Variants in ABCA10 observed in about 807,000 individuals in gnomAD.
ABCA10 encodes the protein ATP-binding cassette sub-family A member 10.
ABCA10 carries 169 observed loss-of-function variants against 187.5 expected under a neutral mutation model. That is an observed-to-expected ratio of 0.90 (90% CI 0.80 to 1.02). ABCA10 has a LOEUF of 1.02. Ranked by LOEUF, ABCA10 falls within the 50% of genes least tolerant of loss-of-function variation. The pLI, the probability that ABCA10 is intolerant of heterozygous loss-of-function variation, is 0.00. For missense variants in ABCA10, 1,727 were observed against 1,812.4 expected (o/e 0.95, Z 0.86); for synonymous variants, 574 against 601.8 (o/e 0.95, Z 0.68).
intron 1 of ABCA10, among the ~76,000 whole-genome samples, chr17:69,239,821 C>T (rs1278207939): frequency 1.3e-5 from 2 of 152,090 alleles, no homozygotes; most frequent in African/African-American, 4.8e-5. Context: ...GTTGGCGTGC[C>T]CTTCAATAGT....
chr17:69,240,710 C>A (rs1451238986), intron 1 of ABCA10, among the ~76,000 whole-genome samples: 2 of 152,168 alleles, frequency 1.3e-5, no homozygotes, highest in African/African-American at 4.8e-5. Flanking sequence ...AGGGATGGGC[C>A]CCTTCCAAAG....
At chr17:69,196,329 G>T in intron 11 of ABCA10, 1 of 173,902 alleles carries the variant, frequency 5.8e-6, no homozygotes, top group East Asian at 1.8e-4. Context: ...TCATCTCCCA[G>T]ACAGGGTGGC....
At position 69,194,495 on chromosome 17, in the gene ABCA10, C is replaced by G. The variant is rs772059657; in HGVS notation, c.1235G>C (p.Gly412Ala). The G allele has an allele frequency of 1.3e-6, 2 of 1,591,236 alleles. No individual in the cohort carries two copies. Among genetic ancestry groups the G allele is most frequent in the Non-Finnish European group, 1.7e-6 (2 of 1,167,886 alleles). Residue 412 changes from glycine (G) to alanine (A), a missense_variant and splice_region_variant, in exon 12 of 39, where the codon GGC becomes GCC. Coordinates refer to ENST00000690296, the MANE Select transcript of ABCA10 (RefSeq NM_001377321.1). ...TCCTTCATATATGTCAAAAAATATG[C>G]CTGTTTTAGAATAAAAAGTGGAAAT... ...GKTGKVEALQ[G>A]IFFDIYEGQI... is the part of the protein sequence containing the mutation.
upstream of ABCA10, among the ~76,000 whole-genome samples, chr17:69,230,236 T>G (rs1315140439): frequency 2.0e-5 from 3 of 152,092 alleles, no homozygotes; most frequent in African/African-American, 7.2e-5. Flanking sequence ...CTTCCAGAAC[T>G]GTGAGAAATA....
chr17:69,165,959 A>G (rs2074251909), intron 25 of ABCA10, among the ~76,000 whole-genome samples: 1 of 152,198 alleles, frequency 6.6e-6, no homozygotes, highest in African/African-American at 2.4e-5. Context: ...CAAAACATGC[A>G]TAGAAACTCT....
chr17:69,207,437 C>A (rs189298492), intron 9 of ABCA10, among the ~76,000 whole-genome samples: 2 of 152,150 alleles, frequency 1.3e-5, no homozygotes, highest in African/African-American at 4.8e-5. Context: ...TATCTGCACT[C>A]CCATATTCGT....
intron 25 of ABCA10, among the ~76,000 whole-genome samples, chr17:69,171,708 C>T (rs1367715815): frequency 6.6e-6 from 1 of 152,030 alleles, no homozygotes; most frequent in Admixed American, 6.6e-5. Flanking sequence ...AGAGCCTCTG[C>T]AAAGGATAGC....
rs1428592950 is a variant in ABCA10, at chr17:69,194,484, C to CA, written c.1245dup (p.Asp416Ter). The CA allele has an allele frequency of 1.9e-6, 3 of 1,598,810 alleles. No homozygotes were observed. The highest frequency in any genetic ancestry group is 2.3e-5 in the East Asian group (1 of 44,394). The stretch of plus-strand genomic sequence containing the variant: ...GCAGTGATCTGTCCTTCATATATGT[C>CA]AAAAAATATGCCTGTTTTAGAATAA... On this transcript the variant is annotated frameshift_variant, in exon 12 of 39. Transcript: ENST00000690296. LOFTEE classifies it high-confidence loss of function.
chr17:69,150,407 A>G (rs548165910), intron 36 of ABCA10: 126 of 168,374 alleles, frequency 7.5e-4, no homozygotes, highest in Non-Finnish European at 1.4e-3. Flanking sequence ...CTCTCATAGG[A>G]GAGATTGAGA....
At chr17:69,206,379 T>C (rs1157201078) in intron 9 of ABCA10, among the ~76,000 whole-genome samples, 1 of 152,114 alleles carries the variant, frequency 6.6e-6, no homozygotes, top group African/African-American at 2.4e-5. Flanking sequence ...AGCAGAAACA[T>C]TAACTTGAAA....
At chr17:69,225,830 G>A (rs1473469518) in intron 2 of ABCA10, among the ~76,000 whole-genome samples, 1 of 152,024 alleles carries the variant, frequency 6.6e-6, no homozygotes, top group Non-Finnish European at 1.5e-5. Context: ...TAAGTATATG[G>A]CATCACACAG....
intron 22 of ABCA10, among the ~76,000 whole-genome samples, chr17:69,175,933 A>T (rs1336083357): frequency 6.6e-6 from 1 of 152,152 alleles, no homozygotes; most frequent in East Asian, 1.9e-4. Flanking sequence ...GGGAAGCAGG[A>T]CAGGGCAAGA....
intron 36 of ABCA10, among the ~76,000 whole-genome samples, chr17:69,151,324 T>C (rs776702488): frequency 3.3e-5 from 5 of 152,198 alleles, no homozygotes; most frequent in Admixed American, 6.5e-5. Context: ...ATATCCTCAT[T>C]TATTTGTATC....
intron 36 of ABCA10, chr17:69,150,347 C>T (rs901970159): frequency 8.2e-6 from 2 of 244,134 alleles, no homozygotes; most frequent in Non-Finnish European, 1.6e-5. Context: ...ATATTTCTTA[C>T]TTACTCTCAA....
Position 69,154,345 on chromosome 17 carries a change from A to G in ABCA10, c.3695-19T>C, listed in dbSNP as rs1437127321. 1.9e-6 allele frequency: 3 copies of G among 1,551,332 alleles called. No individual in the cohort carries two copies. The highest frequency in any genetic ancestry group is 2.6e-6 in the Non-Finnish European group (3 of 1,144,962). Reference sequence around the variant, plus strand: ...ACTTCACCTGGAAGAAAGAGTCACCATCAATATTTGAATTTTCAAGGTTGA... The same window carrying G: ...ACTTCACCTGGAAGAAAGAGTCACCGTCAATATTTGAATTTTCAAGGTTGA... On this transcript the variant is annotated intron_variant, in intron 30 of 38. Transcript: ENST00000690296.
At chr17:69,161,311 C>G (rs887361632) in intron 27 of ABCA10, among the ~76,000 whole-genome samples, 3 of 152,076 alleles carry the variant, frequency 2.0e-5, no homozygotes, top group African/African-American at 7.2e-5. Flanking sequence ...ATTAAAAGTT[C>G]TGGAGATTCT....
chr17:69,236,661 T>C (rs976450938), intron 1 of ABCA10, among the ~76,000 whole-genome samples: 1 of 152,182 alleles, frequency 6.6e-6, no homozygotes, highest in Admixed American at 6.5e-5. Context: ...GATAAATGAA[T>C]CAATTTTCAA....
chr17:69,187,530 G>T, intron 19 of ABCA10, 151 bp downstream of exon 19: 2 of 790,242 alleles, frequency 2.5e-6, no homozygotes, highest in Non-Finnish European at 3.7e-6. Flanking sequence ...AGCACATGAG[G>T]CAGTCAGGCC....
chr17:69,168,392 A>G (rs1374417749), intron 25 of ABCA10, among the ~76,000 whole-genome samples: 3 of 152,180 alleles, frequency 2.0e-5, no homozygotes, highest in Non-Finnish European at 2.9e-5. Context: ...CTCTGATTGC[A>G]GAAAATTTGC....
Sources: gnomAD v4.1 joint callset for allele counts (sites outside exome capture counted in the v4.1 genomes callset) on GRCh38, gnomAD v4.1.1 for gene constraint, MANE v1.5 for transcripts, NCBI Gene and HGNC (gene_info 2026-07-23, HGNC 2026-07-21) for gene names.